The following MYL2 variants were observed in gnomAD, a reference collection of about 807,000 sequenced individuals.
The protein encoded by MYL2 is myosin regulatory light chain 2, ventricular/cardiac muscle isoform.
In MYL2, 19 loss-of-function variants were observed where a neutral mutation model predicts 23.0. The ratio of observed to expected loss-of-function variants is 0.83; its 90% CI spans 0.58 to 1.21. The LOEUF is 1.21. MYL2 is among the 50% of genes most tolerant of loss of function. MYL2 has a pLI of 0.00. For missense variants in MYL2, 180 were observed against 215.1 expected (o/e 0.84, Z 1.02); for synonymous variants, 78 against 76.2 (o/e 1.02, Z -0.13).
rs779218980 is a variant in MYL2, at chr12:110,918,490, C to T, written c.93+614G>A. On this transcript the variant is annotated intron_variant, in intron 2 of 6. Transcript: ENST00000228841. The surrounding 1 kb of genome is among the most constrained non-coding windows in gnomAD (Gnocchi z 4.4). ...GATTTTGGGGGGCAATTCGGACCAG[C>T]AGTTCTGCCTGTTTTTAGTTCTTTT... Among the ~76,000 whole-genome samples the T allele has an allele frequency of 3.3e-5, 5 of 152,164 alleles. No homozygotes were observed. Among genetic ancestry groups the T allele is most frequent in the Non-Finnish European group, 7.3e-5 (5 of 68,034 alleles).
chr12:110,920,300 A>G (rs1267706556), intron 1 of MYL2, among the ~76,000 whole-genome samples: 1 of 125,862 alleles, frequency 7.9e-6, no homozygotes, highest in African/African-American at 3.1e-5. Flanking sequence ...AAAAAAGCCA[A>G]CTCTCTTATT....
chr12:110,912,855 T>G (rs1393710153), intron 6 of MYL2, among the ~76,000 whole-genome samples: 1 of 152,316 alleles, frequency 6.6e-6, no homozygotes, highest in East Asian at 1.9e-4. Flanking sequence ...GTGATTATTG[T>G]TATTTTAGAT....
At chr12:110,917,287 T>C (rs16934147) in intron 2 of MYL2, among the ~76,000 whole-genome samples, 5,483 of 152,168 alleles carry the variant, frequency 0.036, 327 homozygotes, top group African/African-American at 0.13. Flanking sequence ...CACCAGTTTT[T>C]AGCTTTTTAA....
chr12:110,919,208 C>A lies in MYL2; in HGVS notation c.4-15G>T. The A allele has an allele frequency of 6.2e-7, 1 of 1,610,626 alleles. No homozygotes were observed. The highest frequency in any genetic ancestry group is 2.2e-5 in the East Asian group (1 of 44,862). On this transcript the variant is annotated splice_polypyrimidine_tract_variant and intron_variant, in intron 1 of 6. Transcript: ENST00000228841. The stretch of plus-strand genomic sequence containing the variant: ...TTCTTAGGTGCCTGGGGGAAAAAAG[C>A]ATCGATTAAAAGAGTGAGAGGCTGG...
intron 3 of MYL2, among the ~76,000 whole-genome samples, chr12:110,914,627 T>C (rs1444910898): frequency 6.6e-6 from 1 of 152,174 alleles, no homozygotes; most frequent in African/African-American, 2.4e-5. Context: ...CAAGCGATTC[T>C]CGTGCCTCAG....
chr12:110,912,582 CAG>C (rs1464578154), intron 6 of MYL2, among the ~76,000 whole-genome samples: 1 of 152,174 alleles, frequency 6.6e-6, no homozygotes, highest in East Asian at 1.9e-4. Flanking sequence ...ATTTTTGAGA[CAG>C]AGTCTTGCTC....
chr12:110,911,024 G>C lies in MYL2; in HGVS notation c.*53C>G, dbSNP rs1592798356. ...GGCGGTACTCGGGGGAGAGAGATGA[G>C]GGCAGGGACCACTCTGCAAAGACGA... On this transcript the variant is annotated 3_prime_UTR_variant, in exon 7 of 7. Transcript: ENST00000228841. 4.1e-6 allele frequency: 6 copies of C among 1,478,056 alleles called. No homozygotes were observed. Among genetic ancestry groups the C allele is most frequent in the Non-Finnish European group, 5.7e-6 (6 of 1,056,448 alleles). 91.6% of individuals were successfully genotyped at this position (1,478,056 alleles called of 1,614,324 possible). A position where few individuals can be genotyped will look rare whatever the true frequency, so the allele number is the denominator to read the frequency against.
intron 4 of MYL2, among the ~76,000 whole-genome samples, chr12:110,913,696 A>G (rs1234840969): frequency 6.6e-6 from 1 of 152,232 alleles, no homozygotes; most frequent in Non-Finnish European, 1.5e-5. Flanking sequence ...TAAAGTGGTT[A>G]GCATGAGGTC....
Position 110,910,975 on chromosome 12 carries a change from G to A in MYL2, c.*102C>T, listed in dbSNP as rs542961456. 9.0e-7 allele frequency: 1 copy of A among 1,116,606 alleles called. No homozygotes were observed. The highest frequency in any genetic ancestry group is 1.4e-6 in the Non-Finnish European group (1 of 731,740). 69.2% of individuals were successfully genotyped at this position (1,116,606 alleles called of 1,614,324 possible). ...GGTGGATAAATGGGGCAGCCACATGGCTAACAGACAAGGTAGGGACAGAGG... is the reference window on the plus strand; with the variant it reads ...GGTGGATAAATGGGGCAGCCACATGACTAACAGACAAGGTAGGGACAGAGG... On this transcript the variant is annotated 3_prime_UTR_variant, in exon 7 of 7. Coordinates refer to ENST00000228841, the MANE Select transcript of MYL2 (RefSeq NM_000432.4).
intron 5 of MYL2, 48 bp from the exon 6 acceptor site, chr12:110,913,192 G>T (rs757758042): frequency 3.1e-6 from 5 of 1,610,180 alleles, no homozygotes; most frequent in South Asian, 1.1e-5. Context: ...GTGTGTGTAG[G>T]GGGGACAGGG....
At position 110,914,205 on chromosome 12, in the gene MYL2, C is replaced by T. The variant is rs1385880379; in HGVS notation, c.255G>A (p.Met85Ile). The change falls in exon 4 of 7, where the codon ATG (methionine) becomes ATA (isoleucine). Residue 85 changes from methionine to isoleucine, a missense_variant. Met to Ile is a conservative substitution (Grantham distance 10, BLOSUM62 1). Transcript: ENST00000228841. ...GPINFTVFLT[M>I]FGEKLKGADP... ...CCTTACCCTTAAGTTTCTCCCCAAA[C>T]ATTGTGAGGAACACAGTAAAGTTAA... The T allele has an allele frequency of 6.2e-7, 1 of 1,613,586 alleles. No individual in the cohort carries two copies. Among genetic ancestry groups the T allele is most frequent in the African/African-American group, 1.3e-5 (1 of 74,848 alleles).
At chr12:110,919,269 G>T in intron 1 of MYL2, 76 bp from the exon 2 acceptor site, 1 of 1,253,038 alleles carries the variant, frequency 8.0e-7, no homozygotes, top group Non-Finnish European at 1.1e-6. Flanking sequence ...TACTCTGGGT[G>T]TGTTCATCTC....
chr12:110,911,623 A>C (rs1354255431), intron 6 of MYL2, among the ~76,000 whole-genome samples: 1 of 152,028 alleles, frequency 6.6e-6, no homozygotes, highest in African/African-American at 2.4e-5. Flanking sequence ...TCCCAAGTAA[A>C]CATCATGCAG....
At position 110,919,093 on chromosome 12, in the gene MYL2, G is replaced by A. The variant is rs1217072106; in HGVS notation, c.93+11C>T. 1 of 1,613,094 alleles carries A rather than the reference G, an allele frequency of 6.2e-7. No individual in the cohort carries two copies. The highest frequency in any genetic ancestry group is 1.7e-5 in the Admixed American group (1 of 60,006). Reference sequence around the variant, plus strand: ...TTCCATCCAGGCGGATGATTCAATAGCTGCACCCACCTCCTTAAATTCCTG... The same window carrying A: ...TTCCATCCAGGCGGATGATTCAATAACTGCACCCACCTCCTTAAATTCCTG... On this transcript the variant is annotated intron_variant, in intron 2 of 6. Transcript: ENST00000228841.
At chr12:110,913,733 G>A (rs572372549) in intron 4 of MYL2, among the ~76,000 whole-genome samples, 2 of 152,276 alleles carry the variant, frequency 1.3e-5, no homozygotes, top group East Asian at 3.9e-4. Flanking sequence ...TTGGAGCAAT[G>A]TTAGTTGCTG....
intron 3 of MYL2, among the ~76,000 whole-genome samples, chr12:110,915,216 C>T (rs75195159): frequency 0.035 from 5,369 of 152,156 alleles, 318 homozygotes; most frequent in African/African-American, 0.12. Flanking sequence ...GTGGTGGTGG[C>T]GGGTAGCAGA....
chr12:110,915,842 G>A (rs776854150), intron 2 of MYL2, 52 bp from the exon 3 acceptor site: 1 of 1,519,968 alleles, frequency 6.6e-7, no homozygotes, highest in African/African-American at 1.4e-5. Context: ...TGGCAGAGTT[G>A]CCCAAGAGAT....
At chr12:110,914,312 C>T in intron 3 of MYL2, 22 bp from the exon 4 acceptor site, 1 of 1,559,624 alleles carries the variant, frequency 6.4e-7, no homozygotes, top group Non-Finnish European at 8.8e-7. Context: ...AACACACACT[C>T]AGGGACTCCG....
chr12:110,914,814 C>T (rs537119084), intron 3 of MYL2, among the ~76,000 whole-genome samples: 3 of 152,176 alleles, frequency 2.0e-5, no homozygotes, highest in Non-Finnish European at 2.9e-5. Context: ...GCCACCATGC[C>T]GGCCAGTTCA....
Sources: gnomAD v4.1 joint callset for allele counts (sites outside exome capture counted in the v4.1 genomes callset) on GRCh38, gnomAD v4.1.1 for gene constraint, Gnocchi (gnomAD v3.1) non-coding constraint, MANE v1.5 for transcripts, NCBI Gene and HGNC (gene_info 2026-07-23, HGNC 2026-07-21) for gene names.